TRAPPC9: variants seen among roughly 807,000 people sequenced by gnomAD.
TRAPPC9 encodes trafficking protein particle complex subunit 9, also known as IKK2 binding protein.
Under a neutral mutation model 124.0 loss-of-function variants are expected in TRAPPC9, and 83 were observed. That is an observed-to-expected ratio of 0.67 (90% CI 0.56 to 0.80). The LOEUF is 0.80. Ranked by LOEUF, TRAPPC9 falls within the 30% of genes least tolerant of loss-of-function variation. The pLI, the probability that TRAPPC9 is intolerant of heterozygous loss-of-function variation, is 0.00. For synonymous variants in TRAPPC9, 638 were observed against 617.5 expected, an observed-to-expected ratio of 1.03 and a Z score of -0.49; for missense variants, 1,302 against 1,508.3, an observed-to-expected ratio of 0.86 and a Z score of 2.27.
At chr8:139,933,852 T>A (rs140906657) in intron 19 of TRAPPC9, 1 of 152,218 alleles carries the variant, frequency 6.6e-6, no homozygotes, top group South Asian at 2.1e-4. Context: ...GTAAATTACA[T>A]AACCCATCAA....
chr8:139,953,854 G>A (rs1198584521), intron 19 of TRAPPC9, among the ~76,000 whole-genome samples: 1 of 152,100 alleles, frequency 6.6e-6, no homozygotes, highest in African/African-American at 2.4e-5. Context: ...CTCATGATCA[G>A]GGAAATTCAA....
At chr8:139,750,771 G>T (rs1819261075) in intron 21 of TRAPPC9, among the ~76,000 whole-genome samples, 1 of 152,184 alleles carries the variant, frequency 6.6e-6, no homozygotes, top group Non-Finnish European at 1.5e-5. Flanking sequence ...TGTTCAACAG[G>T]TCCCAGCCTA....
At chr8:139,865,640 C>G (rs954464273) in intron 21 of TRAPPC9, among the ~76,000 whole-genome samples, 20 of 152,114 alleles carry the variant, frequency 1.3e-4, no homozygotes, top group African/African-American at 4.8e-4. Context: ...CAGGAAAAGG[C>G]AGGGACCTAA....
At chr8:140,110,092 G>A (rs1424014080) in intron 17 of TRAPPC9, among the ~76,000 whole-genome samples, 2 of 151,962 alleles carry the variant, frequency 1.3e-5, no homozygotes, top group East Asian at 3.9e-4. Context: ...TGAGACAGTG[G>A]AGAGTAGGGC....
At chr8:139,743,286 G>A (rs1306223854) in intron 21 of TRAPPC9, among the ~76,000 whole-genome samples, 13 of 152,188 alleles carry the variant, frequency 8.5e-5, no homozygotes, top group African/African-American at 2.4e-4. Flanking sequence ...TCCCAGCGAC[G>A]CCTCCCCGAC....
rs1361622493 is a variant in TRAPPC9 at position 140,339,112 on chromosome 8, A to C, written c.1495+20938T>G. Reference sequence around the variant, plus strand: ...ACGGGAAACGGCTCAGAGAAAACCAACGCCACCAGACGGCCACCTACAGGC... The same window carrying C: ...ACGGGAAACGGCTCAGAGAAAACCACCGCCACCAGACGGCCACCTACAGGC... On this transcript the variant is annotated intron_variant, in intron 9 of 22. Coordinates refer to ENST00000438773, the MANE Select transcript of TRAPPC9 (RefSeq NM_001160372.4). Among the ~76,000 whole-genome samples the C allele has an allele frequency of 2.2e-3, 274 of 121,816 alleles. 1 individual carries two copies. The highest frequency in any genetic ancestry group is 5.1e-3 in the Middle Eastern group (1 of 198). The allele number at this position is 121,816 out of a possible 152,430, so 79.9% of individuals were successfully genotyped here.
chr8:139,756,196 GA>G (rs2130285744), intron 21 of TRAPPC9, among the ~76,000 whole-genome samples: 3 of 121,966 alleles, frequency 2.5e-5, no homozygotes, highest in South Asian at 3.1e-4. Flanking sequence ...AGGAGCCAGG[GA>G]TTAGGGATGA....
intron 18 of TRAPPC9, among the ~76,000 whole-genome samples, chr8:140,004,222 T>C (rs990841365): frequency 6.6e-6 from 1 of 152,188 alleles, no homozygotes; most frequent in African/African-American, 2.4e-5. Context: ...AGTGGCAGTG[T>C]GTGAAGTGTT....
chr8:139,910,488 A>G (rs1353977072), intron 19 of TRAPPC9, among the ~76,000 whole-genome samples, 188 bp from the exon 20 acceptor site: 1 of 152,222 alleles, frequency 6.6e-6, no homozygotes, highest in Non-Finnish European at 1.5e-5. Flanking sequence ...GAGCTGGTTC[A>G]ACACACAATT....
In TRAPPC9 at chr8:140,252,635, G is replaced by C. The variant is rs765767705; in HGVS notation, c.2431+142C>G. 2.8e-5 allele frequency: 25 copies of C among 887,052 alleles called. No homozygotes were observed. The highest frequency in any genetic ancestry group is 8.0e-5 in the Admixed American group (4 of 49,748). 54.9% of individuals were successfully genotyped at this position (887,052 alleles called of 1,614,324 possible). A position where few individuals can be genotyped will look rare whatever the true frequency, so the allele number is the denominator to read the frequency against. Reference sequence around the variant, plus strand: ...TACAGTAACACACTCTGTTAACAAAGTGCCCAGGAGATGTCTCAGGCAGCT... The same window carrying C: ...TACAGTAACACACTCTGTTAACAAACTGCCCAGGAGATGTCTCAGGCAGCT... On this transcript the variant is annotated intron_variant, in intron 16 of 22. Transcript: ENST00000438773. The surrounding 1 kb of genome is among the most constrained non-coding windows in gnomAD (Gnocchi z 4.2).
chr8:140,007,076 T>A (rs1053346700), intron 18 of TRAPPC9, among the ~76,000 whole-genome samples: 2 of 152,102 alleles, frequency 1.3e-5, no homozygotes, highest in African/African-American at 4.8e-5. Flanking sequence ...GAGGAAGAGA[T>A]CCACCAAACA....
intron 21 of TRAPPC9, among the ~76,000 whole-genome samples, chr8:139,762,880 G>C (rs996718818): frequency 2.6e-5 from 4 of 152,182 alleles, no homozygotes; most frequent in African/African-American, 9.6e-5. Context: ...TGAGGACCAA[G>C]TTCCCAGTCT....
intron 17 of TRAPPC9, among the ~76,000 whole-genome samples, chr8:140,105,866 G>A (rs565397948): frequency 5.9e-5 from 9 of 152,176 alleles, no homozygotes; most frequent in African/African-American, 9.6e-5. Flanking sequence ...GAGGGCCAGC[G>A]GGCAGCACTA....
chr8:139,764,119 G>A (rs1336407962), intron 21 of TRAPPC9, among the ~76,000 whole-genome samples: 1 of 152,212 alleles, frequency 6.6e-6, no homozygotes, highest in Non-Finnish European at 1.5e-5. Context: ...TGAGGGCACA[G>A]GTGTGGGGAC....
chr8:139,825,293 C>G lies in TRAPPC9; in HGVS notation c.3055+60586G>C, dbSNP rs1825545729. 6.6e-6 allele frequency among the ~76,000 whole-genome samples: 1 copy of G among 152,180 alleles called. No individual in the cohort carries two copies. Among genetic ancestry groups the G allele is most frequent in the South Asian group, 2.1e-4 (1 of 4,832 alleles). On this transcript the variant is annotated intron_variant, in intron 21 of 22. Transcript: ENST00000438773. The surrounding 1 kb of genome is among the most constrained non-coding windows in gnomAD (Gnocchi z 4.6). ...CACTCCTCTGGGACCTGCAGCCACA[C>G]TGGGTCCCACTCTTTCCCGCCGAAT...
At chr8:140,442,609 AAAG>A (rs1334001015) in intron 2 of TRAPPC9, among the ~76,000 whole-genome samples, 2 of 151,910 alleles carry the variant, frequency 1.3e-5, no homozygotes, top group Non-Finnish European at 2.9e-5. Context: ...AAAAAAAAAA[AAAG>A]AAGAAAATGC....
At chr8:140,210,585 T>A (rs1430616535) in intron 17 of TRAPPC9, among the ~76,000 whole-genome samples, 4 of 151,768 alleles carry the variant, frequency 2.6e-5, no homozygotes, top group African/African-American at 7.3e-5. Context: ...AAGCCCTTTC[T>A]CTCCTGGATT....
chr8:140,103,675 C>T (rs538412851), intron 17 of TRAPPC9, among the ~76,000 whole-genome samples: 70 of 152,342 alleles, frequency 4.6e-4, no homozygotes, highest in African/African-American at 1.6e-3. Flanking sequence ...TACCATATTA[C>T]TAATGATACC....
At chr8:140,317,975 A>C (rs2066484436) in intron 9 of TRAPPC9, among the ~76,000 whole-genome samples, 1 of 152,226 alleles carries the variant, frequency 6.6e-6, no homozygotes, top group Admixed American at 6.5e-5. Flanking sequence ...ATCAAATGTC[A>C]CCAAAAAATA....
Sources: gnomAD v4.1 joint callset for allele counts (sites outside exome capture counted in the v4.1 genomes callset) on GRCh38, gnomAD v4.1.1 for gene constraint, Gnocchi (gnomAD v3.1) non-coding constraint, MANE v1.5 for transcripts, NCBI Gene and HGNC (gene_info 2026-07-23, HGNC 2026-07-21) for gene names.